UGT2B15: variants seen among roughly 807,000 people sequenced by gnomAD.
UGT2B15 encodes the protein UDP glucuronosyltransferase family 2 member B15, also known as UDP-glucuronosyltransferase 2B15.
UGT2B15 carries 36 observed loss-of-function variants against 45.9 expected under a neutral mutation model. That is an observed-to-expected ratio of 0.78 (90% CI 0.60 to 1.04). The LOEUF (loss-of-function observed/expected upper bound fraction) is 1.04, where lower values mean the gene tolerates loss of function less well. Among genes scored for constraint, UGT2B15 ranks in the 50% least tolerant of loss-of-function variants. The pLI, the probability that UGT2B15 is intolerant of heterozygous loss-of-function variation, is 0.00. For synonymous variants in UGT2B15, 219 were observed against 216.4 expected (o/e 1.01, Z -0.11); for missense variants, 617 against 622.4 (o/e 0.99, Z 0.09).
Position 68,654,071 on chromosome 4 carries a change from G to T in UGT2B15, c.1279C>A (p.Leu427Ile), listed in dbSNP as rs568044905. The change falls in exon 5 of 6, where the codon CTC becomes ATC. Residue 427 changes from leucine to isoleucine, a missense_variant. By Grantham distance (5) the Leu-to-Ile change is conservative (BLOSUM62 2). Coordinates refer to ENST00000338206, the MANE Select transcript of UGT2B15 (RefSeq NM_001076.4). ...DIRTMSSRDL[L>I]NALKSVINDP... ...TTAATGACTGACTTCAATGCATTGA[G>T]CAAATCTCTACTTGACATGGTCCTG... The T allele has an allele frequency of 6.2e-7, 1 of 1,613,486 alleles. No homozygotes were observed. Among genetic ancestry groups the T allele is most frequent in the East Asian group, 2.2e-5 (1 of 44,882 alleles).
chr4:68,654,337 A>T, intron 4 of UGT2B15, 81 bp from the exon 5 acceptor site: 1 of 1,425,274 alleles, frequency 7.0e-7, no homozygotes, highest in Non-Finnish European at 9.5e-7. Context: ...TAAGGAACTT[A>T]AAGCAAAACT....
rs1381021422 is a variant in UGT2B15, at chr4:68,651,628, G to A, written c.1313+2409C>T. 2.6e-5 allele frequency among the ~76,000 whole-genome samples: 4 copies of A among 152,024 alleles called. No homozygotes were observed. The East Asian group carries it at 7.7e-4, about 29-fold the overall frequency. On this transcript the variant is annotated intron_variant, in intron 5 of 5. Transcript: ENST00000338206. ...TTTTCCAAAACATTTCTTAAATAAG[G>A]AATCCTTTCCCCAGTTGCTTGTTTT... is the stretch of plus-strand genomic sequence containing the variant.
rs1732491873 is a variant in UGT2B15 at position 68,646,965 on chromosome 4, T to C, written c.*139A>G. 2 of 1,316,530 alleles carry C rather than the reference T, an allele frequency of 1.5e-6. No homozygotes were observed. The highest frequency in any genetic ancestry group is 2.1e-6 in the Non-Finnish European group (2 of 961,530). The allele number at this position is 1,316,530 out of a possible 1,614,324, so 81.6% of individuals were successfully genotyped here. A position where few individuals can be genotyped will look rare whatever the true frequency, so the allele number is the denominator to read the frequency against. ...AAGTACGTATTAAATCCCTGGAAAA[T>C]AAATTTTGTCTTAACAAGGTAAGTT... On this transcript the variant is annotated 3_prime_UTR_variant, in exon 6 of 6. Coordinates refer to ENST00000338206, the MANE Select transcript of UGT2B15 (RefSeq NM_001076.4).
intron 3 of UGT2B15, among the ~76,000 whole-genome samples, chr4:68,661,163 A>T (rs2109830052): frequency 6.6e-6 from 1 of 152,078 alleles, no homozygotes; most frequent in East Asian, 1.9e-4. Context: ...TTTTTTTTAA[A>T]TGTAAAAGGA....
intron 3 of UGT2B15, among the ~76,000 whole-genome samples, chr4:68,659,929 G>GA (rs1553924639): frequency 1.4e-5 from 2 of 145,186 alleles, no homozygotes; most frequent in Non-Finnish European, 3.0e-5. Context: ...CCTTTGTTTT[G>GA]TTTTTTTTTC....
chr4:68,661,906 A>G (rs1168555695), intron 3 of UGT2B15, among the ~76,000 whole-genome samples: 1 of 152,206 alleles, frequency 6.6e-6, no homozygotes, highest in East Asian at 1.9e-4. Flanking sequence ...TCACACTTAG[A>G]TGATGCACTA....
intron 3 of UGT2B15, among the ~76,000 whole-genome samples, chr4:68,656,591 T>C (rs1732813078): frequency 6.6e-6 from 1 of 152,156 alleles, no homozygotes; most frequent in African/African-American, 2.4e-5. Flanking sequence ...GTTTCTGTGT[T>C]TGCTTCCTGT....
rs192517232 is a variant in UGT2B15 at position 68,657,329 on chromosome 4, T to C, written c.1006-2147A>G. 2.6e-5 allele frequency among the ~76,000 whole-genome samples: 4 copies of C among 152,116 alleles called. No homozygotes were observed. In the East Asian group the frequency reaches 7.7e-4, roughly 29 times the overall value. ...AAAAAAGGCTAGTCCAGGAAACACA[T>C]ATGAGGGCAGATCACCCAGCATTTT... is the stretch of plus-strand genomic sequence containing the variant. On this transcript the variant is annotated intron_variant, in intron 3 of 5. Coordinates refer to ENST00000338206, the MANE Select transcript of UGT2B15 (RefSeq NM_001076.4).
intron 2 of UGT2B15, among the ~76,000 whole-genome samples, chr4:68,667,460 G>A (rs533392836): frequency 2.0e-5 from 3 of 152,220 alleles, no homozygotes; most frequent in African/African-American, 4.8e-5. Context: ...ATAGGTGTGA[G>A]CCACCTTGCC....
intron 2 of UGT2B15, 64 bp downstream of exon 2, chr4:68,667,976 G>T (rs1401936885): frequency 4.5e-5 from 72 of 1,584,248 alleles, no homozygotes; most frequent in Non-Finnish European, 6.1e-5. Context: ...CACTCTGAAA[G>T]AAACATATCC....
intron 5 of UGT2B15, among the ~76,000 whole-genome samples, chr4:68,650,428 T>C (rs1732619589): frequency 6.6e-6 from 1 of 152,086 alleles, no homozygotes; most frequent in Admixed American, 6.6e-5. Flanking sequence ...TGTTAGTTGC[T>C]GCGGATAATG....
At chr4:68,666,000 C>T (rs1315577531) in intron 2 of UGT2B15, among the ~76,000 whole-genome samples, 11 of 152,042 alleles carry the variant, frequency 7.2e-5, no homozygotes, top group East Asian at 3.8e-4. Context: ...TTCAGTGAGC[C>T]GAGATCATGC....
rs1156565144 is a variant in UGT2B15, at chr4:68,647,233, C to T, written c.1464G>A (p.Gln488=). ...ATGCTATCACATCCAAAGAGTGGTA[C>T]TGGATCCAGGTGAGGTTGTGAGCTG... ...RVAAHNLTWI[Q]YHSLDVIAFL... Residue 488 remains glutamine (Q), a synonymous_variant, in exon 6 of 6, where the codon CAG becomes CAA. Transcript: ENST00000338206. 6.2e-7 allele frequency: 1 copy of T among 1,613,892 alleles called. No individual in the cohort carries two copies. Among genetic ancestry groups the T allele is most frequent in the Non-Finnish European group, 8.5e-7 (1 of 1,179,948 alleles).
At chr4:68,654,348 G>T in intron 4 of UGT2B15, 92 bp from the exon 5 acceptor site, 4 of 1,313,416 alleles carry the variant, frequency 3.0e-6, no homozygotes, top group African/African-American at 1.5e-5. Flanking sequence ...AAGCAAAACT[G>T]TTCCCTAGGT....
chr4:68,648,490 G>A lies in UGT2B15; in HGVS notation c.1314-1107C>T, dbSNP rs577516640. ...AGAGTCTTTTCCTGGCCACACTATA[G>A]GCACCCATAGGATTTCTCTAGTGCT... On this transcript the variant is annotated intron_variant, in intron 5 of 5. Transcript: ENST00000338206. 1.6e-3 allele frequency among the ~76,000 whole-genome samples: 239 copies of A among 152,006 alleles called. 1 individual carries two copies. The highest frequency in any genetic ancestry group is 5.5e-3 in the African/African-American group (230 of 41,442).
At position 68,658,132 on chromosome 4, in the gene UGT2B15, G is replaced by A. The variant is rs527741395; in HGVS notation, c.1006-2950C>T. ...GAAACAGGTTATCAAGAATTTGGAA[G>A]TCTAATATGGCAAAATGTAGTTTTC... On this transcript the variant is annotated intron_variant, in intron 3 of 5. Transcript: ENST00000338206. Among the ~76,000 whole-genome samples the A allele has an allele frequency of 2.2e-4, 34 of 152,116 alleles. 1 individual carries two copies. The highest frequency in any genetic ancestry group is 7.9e-4 in the African/African-American group (33 of 41,524).
At chr4:68,654,293 C>T (rs2109823712) in intron 4 of UGT2B15, 37 bp from the exon 5 acceptor site, 1 of 1,601,718 alleles carries the variant, frequency 6.2e-7, no homozygotes. Context: ...TTATTAATTA[C>T]AAGGTATGAG....
chr4:68,665,181 T>A (rs1021958863), intron 2 of UGT2B15, among the ~76,000 whole-genome samples: 1 of 152,184 alleles, frequency 6.6e-6, no homozygotes, highest in African/African-American at 2.4e-5. Context: ...TATCTCTATC[T>A]CAATTTAAAA....
At chr4:68,667,073 C>T (rs1382168311) in intron 2 of UGT2B15, among the ~76,000 whole-genome samples, 4 of 151,882 alleles carry the variant, frequency 2.6e-5, no homozygotes, top group East Asian at 3.9e-4. Context: ...TCAACCTTTT[C>T]CTGTAAATTA....
Sources: allele counts gnomAD v4.1 joint callset (sites outside exome capture counted in the v4.1 genomes callset), GRCh38; gene constraint gnomAD v4.1.1; transcripts MANE v1.5; gene names NCBI Gene and HGNC (gene_info 2026-07-23, HGNC 2026-07-21).